The following ARHGEF6 variants were observed in gnomAD, a reference collection of about 807,000 sequenced individuals.
ARHGEF6 encodes rho guanine nucleotide exchange factor 6.
A neutral mutation model predicts 70.3 loss-of-function variants in ARHGEF6; 9 were observed. That is an observed-to-expected ratio of 0.13 (90% CI 0.08 to 0.22). The LOEUF is 0.22. Ranked by LOEUF, ARHGEF6 falls within the 10% of genes least tolerant of loss-of-function variation. ARHGEF6 has a pLI of 1.00. For missense variants in ARHGEF6, 470 were observed against 563.0 expected (o/e 0.83, Z 1.67); for synonymous variants, 201 against 207.8 (o/e 0.97, Z 0.28).
At chrX:136,764,479 C>T (rs763885292) in intron 2 of ARHGEF6, among the ~76,000 whole-genome samples, 116 of 112,233 alleles carry the variant, frequency 1.0e-3, no homozygotes, top group Middle Eastern at 4.6e-3. Flanking sequence ...TGCAACAACA[C>T]GGGTGACTTG....
rs1482051281 is a variant in ARHGEF6 at position 136,780,887 on chromosome X, G to A, written c.-5C>T. On this transcript the variant is annotated 5_prime_UTR_variant, in exon 1 of 22. Transcript: ENST00000250617. ...GATTTGTTCTTCTGGATTCATTACT[G>A]AGGACGGTACACTCCAAACAGCACT... 1.7e-6 allele frequency: 2 copies of A among 1,211,486 alleles called. No individual in the cohort carries two copies. The highest frequency in any genetic ancestry group is 2.2e-6 in the Non-Finnish European group (2 of 895,446).
intron 9 of ARHGEF6, among the ~76,000 whole-genome samples, chrX:136,704,279 C>T (rs2076605019): frequency 8.9e-6 from 1 of 112,179 alleles, no homozygotes; most frequent in South Asian, 3.7e-4. Context: ...GATGGCTACA[C>T]AACCTTGTGA....
intron 6 of ARHGEF6, among the ~76,000 whole-genome samples, chrX:136,718,214 CTA>C (rs1189236544): frequency 9.0e-6 from 1 of 111,195 alleles, no homozygotes. Context: ...GCTGGAGTGG[CTA>C]TGTTAATTTT....
intron 6 of ARHGEF6, among the ~76,000 whole-genome samples, chrX:136,726,139 A>G (rs939480168): frequency 2.7e-5 from 3 of 112,244 alleles, no homozygotes; most frequent in African/African-American, 9.7e-5. Context: ...TATGGTGCCT[A>G]TGAAAATGAG....
At chrX:136,767,492 T>C (rs924475897) in intron 2 of ARHGEF6, 1 of 754,171 alleles carries the variant, frequency 1.3e-6, no homozygotes. Flanking sequence ...TAAAGGGAAG[T>C]CAGAGTCTTG....
At chrX:136,753,821 T>A (rs1404342554) in intron 2 of ARHGEF6, among the ~76,000 whole-genome samples, 1 of 112,195 alleles carries the variant, frequency 8.9e-6, no homozygotes, top group Non-Finnish European at 1.9e-5. Context: ...TTTTTCAAAA[T>A]GTCATTTTTA....
At chrX:136,703,792 G>C (rs1361287837) in intron 9 of ARHGEF6, among the ~76,000 whole-genome samples, 3 of 112,975 alleles carry the variant, frequency 2.7e-5, no homozygotes, top group Non-Finnish European at 5.6e-5. Flanking sequence ...AAAGTGCTGG[G>C]ATTACAGGCA....
At chrX:136,757,220 T>C (rs113606158) in intron 2 of ARHGEF6, among the ~76,000 whole-genome samples, 1,379 of 111,633 alleles carry the variant, frequency 0.012, 25 homozygotes, top group African/African-American at 0.043. Flanking sequence ...ATTAACCAGA[T>C]GTGGTGGCAC....
At chrX:136,760,183 A>AG (rs2077251343) in intron 2 of ARHGEF6, among the ~76,000 whole-genome samples, 1 of 112,655 alleles carries the variant, frequency 8.9e-6, no homozygotes, top group Non-Finnish European at 1.9e-5. Context: ...AAACTGGTAA[A>AG]GGGAGGGCCC....
chrX:136,672,181 T>C, intron 19 of ARHGEF6, 62 bp from the exon 20 acceptor site: 1 of 858,133 alleles, frequency 1.2e-6, no homozygotes, highest in Non-Finnish European at 1.7e-6. Context: ...GTAGAAATAG[T>C]GGGTGTTAGT....
chrX:136,753,676 G>C (rs2077175186), intron 2 of ARHGEF6, among the ~76,000 whole-genome samples: 2 of 111,349 alleles, frequency 1.8e-5, no homozygotes, highest in African/African-American at 3.3e-5. Flanking sequence ...TTCTGGCCAG[G>C]GCACTCTCTC....
At chrX:136,745,049 C>T (rs1871779075) in intron 4 of ARHGEF6, among the ~76,000 whole-genome samples, 174 bp downstream of exon 4, 1 of 111,943 alleles carries the variant, frequency 8.9e-6, no homozygotes, top group South Asian at 3.7e-4. Context: ...CCACCACATG[C>T]CTTTGATTTG....
At chrX:136,732,278 A>G in intron 5 of ARHGEF6, 106 bp from the exon 6 acceptor site, 1 of 609,576 alleles carries the variant, frequency 1.6e-6, no homozygotes. Flanking sequence ...TGGAAGGATC[A>G]ATGGAAATGT....
rs192652435 is a variant in ARHGEF6, at chrX:136,717,346, C to T, written c.733-3976G>A. On this transcript the variant is annotated intron_variant, in intron 6 of 21. Coordinates refer to ENST00000250617, the MANE Select transcript of ARHGEF6 (RefSeq NM_004840.3). The stretch of plus-strand genomic sequence containing the variant: ...AAGTGTTGAGAGAAAAACCCACTAA[C>T]CTTGAGTTCTGTATCTTGTGAAATT... Among the ~76,000 whole-genome samples, 207 of 111,734 alleles carry T rather than the reference C, an allele frequency of 1.9e-3. 1 individual carries two copies. The highest frequency in any genetic ancestry group is 3.0e-3 in the Non-Finnish European group (159 of 52,978).
intron 21 of ARHGEF6, among the ~76,000 whole-genome samples, 183 bp from the exon 22 acceptor site, chrX:136,668,352 T>C (rs1277413946): frequency 5.5e-5 from 6 of 109,963 alleles, no homozygotes; most frequent in Non-Finnish European, 9.5e-5. Flanking sequence ...ACCTTTTGGA[T>C]TCTTCTTCCC....
intron 2 of ARHGEF6, among the ~76,000 whole-genome samples, chrX:136,772,579 A>G (rs750815688): frequency 5.3e-5 from 6 of 112,569 alleles, no homozygotes; most frequent in South Asian, 3.7e-4. Context: ...CTAATTAATA[A>G]ATTTTTGTGG....
rs780470060 is a variant in ARHGEF6, at chrX:136,671,295, CT to C, written c.2135+724del. 1.1e-4 allele frequency among the ~76,000 whole-genome samples: 12 copies of C among 111,918 alleles called. No individual in the cohort carries two copies. In the East Asian group the frequency reaches 1.1e-3, roughly 10 times the overall value. On this transcript the variant is annotated intron_variant, in intron 20 of 21. Transcript: ENST00000250617. ...TGAGCCCAAGTACTTAACCATTTTG[CT>C]GTATCACTTCACACATCAGATGTAA...
Position 136,780,703 on chromosome X carries a change from G to T in ARHGEF6, c.165+15C>A. ...GGTGATAAGCAATCCCAAAGAGACT[G>T]CAAATTTCCCTTACCTTTTCCACAG... On this transcript the variant is annotated intron_variant, in intron 1 of 21. Coordinates refer to ENST00000250617, the MANE Select transcript of ARHGEF6 (RefSeq NM_004840.3). 8.3e-7 allele frequency: 1 copy of T among 1,204,786 alleles called. No homozygotes were observed. The highest frequency in any genetic ancestry group is 1.7e-5 in the African/African-American group (1 of 57,642).
chrX:136,746,534 C>T (rs139448759), intron 3 of ARHGEF6, among the ~76,000 whole-genome samples: 203 of 111,721 alleles, frequency 1.8e-3, no homozygotes, highest in Non-Finnish European at 2.5e-3. Context: ...AATTGTTTCA[C>T]GTGGGTAAGT....
Sources: allele counts gnomAD v4.1 joint callset (sites outside exome capture counted in the v4.1 genomes callset), GRCh38; gene constraint gnomAD v4.1.1; transcripts MANE v1.5; gene names NCBI Gene and HGNC (gene_info 2026-07-23, HGNC 2026-07-21).